Variants in SLF1 observed in about 807,000 individuals in gnomAD.
SLF1 encodes SMC5-SMC6 complex localization factor protein 1.
A neutral mutation model predicts 123.0 loss-of-function variants in SLF1; 105 were observed. The ratio of observed to expected loss-of-function variants is 0.85; its 90% CI spans 0.73 to 1.00. The LOEUF is 1.00. Ranked by LOEUF, SLF1 falls within the 50% of genes least tolerant of loss-of-function variation. The probability of loss-of-function intolerance (pLI) is 0.00; values close to 1 mark genes in which losing one functional copy is unlikely to be tolerated. For missense variants in SLF1, 1,239 were observed against 1,223.0 expected, an observed-to-expected ratio of 1.01 and a Z score of -0.20; for synonymous variants, 434 against 406.6, an observed-to-expected ratio of 1.07 and a Z score of -0.81.
chr5:94,686,732 T>A lies in SLF1; in HGVS notation c.2121+14T>A. 1.2e-6 allele frequency: 2 copies of A among 1,602,076 alleles called. No homozygotes were observed. Among genetic ancestry groups the A allele is most frequent in the Non-Finnish European group, 1.7e-6 (2 of 1,176,002 alleles). On this transcript the variant is annotated intron_variant, in intron 16 of 20. Transcript: ENST00000265140. Reference sequence around the variant, plus strand: ...CTTCAGAAAATGGTAAGTACCTCTCTATTCTGGTTCTTTACATTTTCAAGA... The same window carrying A: ...CTTCAGAAAATGGTAAGTACCTCTCAATTCTGGTTCTTTACATTTTCAAGA...
intron 1 of SLF1, among the ~76,000 whole-genome samples, chr5:94,622,551 A>G (rs113684703): frequency 2.2e-3 from 331 of 152,284 alleles, no homozygotes; most frequent in African/African-American, 7.5e-3. Context: ...CTAAAAGTCA[A>G]CATCCCTCCC....
In SLF1 at chr5:94,649,468, T is replaced by C; in HGVS notation, c.609T>C (p.Asn203=). ...CATACATACAGAAAGAAATTCAGAATGATGAAGATTCCCAAACCAATTCTG... is the reference window on the plus strand; with the variant it reads ...CATACATACAGAAAGAAATTCAGAACGATGAAGATTCCCAAACCAATTCTG... ...GDFLLEKEIQ[N]DEDSQTNSVW... The change falls in exon 6 of 21, where the codon AAT becomes AAC. Residue 203 remains asparagine (N), a synonymous_variant. Transcript: ENST00000265140. 3.3e-6 allele frequency: 5 copies of C among 1,495,674 alleles called. No homozygotes were observed. The highest frequency in any genetic ancestry group is 1.3e-5 in the South Asian group (1 of 76,952). The allele number at this position is 1,495,674 out of a possible 1,614,324, so 92.7% of individuals were successfully genotyped here.
intron 15 of SLF1, among the ~76,000 whole-genome samples, chr5:94,686,255 A>G (rs1752420887): frequency 6.6e-6 from 1 of 152,242 alleles, no homozygotes; most frequent in Admixed American, 6.5e-5. Flanking sequence ...GTTGGAAAGT[A>G]TAGTGATAAA....
chr5:94,693,083 C>G (rs1016580833), intron 20 of SLF1, among the ~76,000 whole-genome samples: 9 of 151,940 alleles, frequency 5.9e-5, no homozygotes, highest in Non-Finnish European at 1.2e-4. Context: ...TTAACATTAT[C>G]TTATCCTGTA....
chr5:94,661,320 T>C (rs909532420), intron 9 of SLF1, among the ~76,000 whole-genome samples: 1 of 152,102 alleles, frequency 6.6e-6, no homozygotes, highest in Admixed American at 6.5e-5. Flanking sequence ...TTCTCCAGGC[T>C]CCTAGCCAGT....
chr5:94,687,382 G>T (rs900961330), intron 16 of SLF1, among the ~76,000 whole-genome samples: 4 of 152,138 alleles, frequency 2.6e-5, no homozygotes, highest in African/African-American at 7.2e-5. Flanking sequence ...CAGGGGCAGT[G>T]GGGGGAAGGT....
intron 18 of SLF1, 21 bp from the exon 19 acceptor site, chr5:94,691,543 T>C: frequency 6.3e-7 from 1 of 1,586,878 alleles, no homozygotes; most frequent in Non-Finnish European, 8.6e-7. Flanking sequence ...TCTGGAATAA[T>C]CTATTAATTT....
chr5:94,623,188 C>G (rs1277175974), intron 1 of SLF1, among the ~76,000 whole-genome samples: 1 of 152,060 alleles, frequency 6.6e-6, no homozygotes, highest in Non-Finnish European at 1.5e-5. Flanking sequence ...CTGGCACCAA[C>G]TACAAAGGAA....
rs761764021 is a variant in SLF1, at chr5:94,666,016, C to T, written c.1524C>T (p.Val508=). The change falls in exon 12 of 21, where the codon GTC becomes GTT. Residue 508 remains valine (V), a synonymous_variant. Coordinates refer to ENST00000265140, the MANE Select transcript of SLF1 (RefSeq NM_032290.4). ...CMKGAWSLVE[V]LIRSCLFNES... ...AAGGAGCATGGTCTTTAGTAGAAGT[C>T]CTTATCAGGTAAGGAATTTCACATT... 48 of 1,547,066 alleles carry T rather than the reference C, an allele frequency of 3.1e-5. No individual in the cohort carries two copies. The South Asian group carries it at 5.8e-4, about 19-fold the overall frequency.
intron 9 of SLF1, among the ~76,000 whole-genome samples, chr5:94,656,278 G>C (rs1223950496): frequency 6.6e-6 from 1 of 151,554 alleles, no homozygotes; most frequent in African/African-American, 2.4e-5. Context: ...TGCATCCTTG[G>C]GATAAATCAT....
At position 94,688,526 on chromosome 5, in the gene SLF1, C is replaced by G; in HGVS notation, c.2142C>G (p.Ala714=). The G allele has an allele frequency of 6.2e-7, 1 of 1,613,828 alleles. No homozygotes were observed. The highest frequency in any genetic ancestry group is 1.3e-5 in the African/African-American group (1 of 74,988). Reference sequence around the variant, plus strand: ...AACAGGTATATTCCTATTTACCAGCCTTGGGGAAAACTGGTGTGCTTGGGT... The same window carrying G: ...AACAGGTATATTCCTATTTACCAGCGTTGGGGAAAACTGGTGTGCTTGGGT... ...LQKMVYSYLP[A]LGKTGVLGSG... The change falls in exon 17 of 21, where the codon GCC becomes GCG. Residue 714 remains alanine, a synonymous_variant. Coordinates refer to ENST00000265140, the MANE Select transcript of SLF1 (RefSeq NM_032290.4).
intron 4 of SLF1, among the ~76,000 whole-genome samples, chr5:94,631,622 A>G (rs1319160195): frequency 1.3e-5 from 2 of 152,220 alleles, no homozygotes; most frequent in Non-Finnish European, 2.9e-5. Context: ...AGTCTACTCC[A>G]TGGATATGTT....
At chr5:94,619,324 ATC>A (rs1316144107) in intron 1 of SLF1, among the ~76,000 whole-genome samples, 2 of 151,688 alleles carry the variant, frequency 1.3e-5, no homozygotes, top group Admixed American at 1.3e-4. Flanking sequence ...CAGTGATCCT[ATC>A]TCTGACTGCT....
chr5:94,634,683 C>T (rs1363946278), intron 4 of SLF1, among the ~76,000 whole-genome samples: 1 of 152,160 alleles, frequency 6.6e-6, no homozygotes, highest in African/African-American at 2.4e-5. Flanking sequence ...AATTTCCATT[C>T]CCAACAACTA....
At position 94,651,819 on chromosome 5, in the gene SLF1, T is replaced by A. The variant is rs1282688498; in HGVS notation, c.856T>A (p.Phe286Ile). Residue 286 changes from phenylalanine to isoleucine, a missense_variant, in exon 7 of 21, where the codon TTT becomes ATT. Phe to Ile is a conservative substitution (Grantham distance 21). Transcript: ENST00000265140. The part of the protein sequence containing the change: ...DLKFVKMRNT[F>I]GSHTYENQKE... ...GAAATTTGTTAAAATGAGAAATACC[T>A]TTGGAAGCCATACATATGAAAATCA... 3 of 1,475,694 alleles carry A rather than the reference T, an allele frequency of 2.0e-6. No homozygotes were observed. Among genetic ancestry groups the A allele is most frequent in the Non-Finnish European group, 2.7e-6 (3 of 1,100,286 alleles). The allele number at this position is 1,475,694 out of a possible 1,614,324, so 91.4% of individuals were successfully genotyped here.
In SLF1 at chr5:94,627,585, CATATATAT is replaced by C. The variant is rs58847356; in HGVS notation, c.1-1198_1-1191del. On this transcript the variant is annotated intron_variant, in intron 1 of 20. Coordinates refer to ENST00000265140, the MANE Select transcript of SLF1 (RefSeq NM_032290.4). ...TCTACCTTGTAAATGATGAAATTAA[CATATATAT>C]ATATATATATATATATATATATATA... Among the ~76,000 whole-genome samples the C allele has an allele frequency of 5.0e-3, 430 of 86,840 alleles. 9 individuals are homozygous for C. The Middle Eastern group carries it at 0.062, about 12-fold the overall frequency. The allele number at this position is 86,840 out of a possible 152,430, so 57.0% of individuals were successfully genotyped here.
At chr5:94,671,089 T>C (rs61141017) in intron 14 of SLF1, 81 bp downstream of exon 14, 83,006 of 1,013,472 alleles carry the variant, frequency 0.082, 3,741 homozygotes, top group South Asian at 0.12. Context: ...CTCTTTATTC[T>C]TTGGATCACT....
At chr5:94,685,032 C>T (rs1047351107) in intron 15 of SLF1, among the ~76,000 whole-genome samples, 3 of 152,206 alleles carry the variant, frequency 2.0e-5, no homozygotes, top group African/African-American at 4.8e-5. Context: ...ATGTGGCAAC[C>T]AGAAATTACC....
At chr5:94,663,996 A>G in intron 11 of SLF1, 88 bp downstream of exon 11, 16 of 1,282,108 alleles carry the variant, frequency 1.2e-5, no homozygotes, top group South Asian at 5.6e-5. Context: ...TTTACAGTTT[A>G]TTTTCCCTGT....
Sources: gnomAD v4.1 joint callset for allele counts (sites outside exome capture counted in the v4.1 genomes callset) on GRCh38, gnomAD v4.1.1 for gene constraint, MANE v1.5 for transcripts, NCBI Gene and HGNC (gene_info 2026-07-23, HGNC 2026-07-21) for gene names.